The following SUV39H2 variants were observed in gnomAD, a reference collection of about 807,000 sequenced individuals.
SUV39H2 encodes SUV39H2 histone lysine methyltransferase.
In SUV39H2, 10 loss-of-function variants were observed where a neutral mutation model predicts 47.5. The observed-to-expected ratio is 0.21, with a 90% CI of 0.13 to 0.36. The LOEUF (loss-of-function observed/expected upper bound fraction) is 0.36, where lower values mean the gene tolerates loss of function less well. Among genes scored for constraint, SUV39H2 ranks in the 10% least tolerant of loss-of-function variants. The probability of loss-of-function intolerance (pLI) is 1.00; values close to 1 mark genes in which losing one functional copy is unlikely to be tolerated. For missense variants in SUV39H2, 266 were observed against 487.4 expected, an observed-to-expected ratio of 0.55 and a Z score of 4.28; for synonymous variants, 159 against 166.8, an observed-to-expected ratio of 0.95 and a Z score of 0.36.
At position 14,897,534 on chromosome 10, in the gene SUV39H2, A is replaced by C; in HGVS notation, c.849+17A>C. 6.0e-6 allele frequency: 9 copies of C among 1,499,110 alleles called. No individual in the cohort carries two copies. The highest frequency in any genetic ancestry group is 7.1e-6 in the Non-Finnish European group (8 of 1,121,834). 92.9% of individuals were successfully genotyped at this position (1,499,110 alleles called of 1,614,324 possible). A position where few individuals can be genotyped will look rare whatever the true frequency, so the allele number is the denominator to read the frequency against. ...GTTGGAGAGGTATGTTTCATTTGCC[A>C]CGTAGTAAATGATGGACATGCAAGG... On this transcript the variant is annotated intron_variant, in intron 3 of 5. Coordinates refer to ENST00000354919, the MANE Select transcript of SUV39H2 (RefSeq NM_001193424.2).
In SUV39H2 at chr10:14,892,206, C is replaced by T. The variant is rs896266165; in HGVS notation, c.178-4640C>T. Among the ~76,000 whole-genome samples, 6 of 152,062 alleles carry T rather than the reference C, an allele frequency of 3.9e-5. No homozygotes were observed. In the East Asian group the frequency reaches 7.7e-4, roughly 20 times the overall value. ...AAAATAAGAGAAGGGCTGAAGAGTC[C>T]GTGGGTTTGGCAATTAATAGATTTG... On this transcript the variant is annotated intron_variant, in intron 2 of 5. Coordinates refer to ENST00000354919, the MANE Select transcript of SUV39H2 (RefSeq NM_001193424.2).
In SUV39H2 at chr10:14,902,592, CTTA is replaced by C; in HGVS notation, c.*85_*87del. On this transcript the variant is annotated 3_prime_UTR_variant, in exon 6 of 6. Coordinates refer to ENST00000354919, the MANE Select transcript of SUV39H2 (RefSeq NM_001193424.2). ...TTTTTAAAAATACATATTTGGGACT[CTTA>C]TTATCAAGGTTCTACCTATGTTAAT... The C allele has an allele frequency of 2.3e-6, 2 of 868,898 alleles. No homozygotes were observed. Among genetic ancestry groups the C allele is most frequent in the South Asian group, 4.4e-5 (2 of 45,070 alleles). The allele number at this position is 868,898 out of a possible 1,614,324, so 53.8% of individuals were successfully genotyped here.
At chr10:14,888,498 G>A (rs1342953402) in intron 2 of SUV39H2, among the ~76,000 whole-genome samples, 1 of 152,068 alleles carries the variant, frequency 6.6e-6, no homozygotes, top group Non-Finnish European at 1.5e-5. Context: ...GCTTGGCATG[G>A]TGGTGCGCTT....
At position 14,899,624 on chromosome 10, in the gene SUV39H2, C is replaced by G. The variant is rs752873117; in HGVS notation, c.935C>G (p.Ser312Cys). ...ITYLFDLDYE[S>C]DEFTVDAARY... is the part of the protein sequence containing the mutation. ...TATCTCTTTGATCTGGACTATGAGT[C>G]TGATGAATTCACAGTGGATGCGGCT... is the stretch of plus-strand genomic sequence containing the variant. Residue 312 changes from serine to cysteine, a missense_variant, in exon 4 of 6, where the codon TCT becomes TGT. This residue lies in a region of SUV39H2 where 112 missense variants were observed against 271.9 expected (regional missense o/e 0.41). Transcript: ENST00000354919. The G allele has an allele frequency of 3.7e-6, 6 of 1,614,106 alleles. No homozygotes were observed. The highest frequency in any genetic ancestry group is 5.1e-6 in the Non-Finnish European group (6 of 1,180,000).
chr10:14,892,370 T>G (rs1235860400), intron 2 of SUV39H2, among the ~76,000 whole-genome samples: 4 of 152,074 alleles, frequency 2.6e-5, no homozygotes, highest in African/African-American at 7.3e-5. Context: ...GTGTTATGGT[T>G]GTTTAAAATT....
chr10:14,901,356 A>C, intron 5 of SUV39H2, 94 bp downstream of exon 5: 1 of 1,509,328 alleles, frequency 6.6e-7, no homozygotes, highest in Non-Finnish European at 9.0e-7. Flanking sequence ...AACCAAACCT[A>C]ATACTAAAGA....
chr10:14,889,466 C>T (rs900954069), intron 2 of SUV39H2, among the ~76,000 whole-genome samples: 5 of 152,078 alleles, frequency 3.3e-5, no homozygotes, highest in African/African-American at 1.2e-4. Context: ...AAAAATGGAG[C>T]CTGTTTAAAT....
At position 14,894,355 on chromosome 10, in the gene SUV39H2, GTTTTTTTTTTTTTTT is replaced by G. The variant is rs35812740; in HGVS notation, c.178-2475_178-2461del. On this transcript the variant is annotated intron_variant, in intron 2 of 5. Coordinates refer to ENST00000354919, the MANE Select transcript of SUV39H2 (RefSeq NM_001193424.2). ...TGACCAATTTTCAAAAGAAAGCAAA[GTTTTTTTTTTTTTTT>G]TTTTTTTTTTTTTTTGAGACGGAGT... is the stretch of plus-strand genomic sequence containing the variant. 1.0e-4 allele frequency among the ~76,000 whole-genome samples: 6 copies of G among 58,088 alleles called. 2 individuals carry two copies. Among genetic ancestry groups the G allele is most frequent in the East Asian group, 5.9e-4 (1 of 1,696 alleles). The allele number at this position is 58,088 out of a possible 152,430, so 38.1% of individuals were successfully genotyped here. A position where few individuals can be genotyped will look rare whatever the true frequency, so the allele number is the denominator to read the frequency against.
intron 2 of SUV39H2, among the ~76,000 whole-genome samples, chr10:14,887,796 G>T (rs185222094): frequency 2.0e-5 from 3 of 152,232 alleles, no homozygotes. Context: ...AGTACTTATT[G>T]TAGTTGACGT....
At position 14,896,906 on chromosome 10, in the gene SUV39H2, C is replaced by T. The variant is rs1176464905; in HGVS notation, c.238C>T (p.Pro80Ser). The T allele has an allele frequency of 6.2e-7, 1 of 1,612,300 alleles. No homozygotes were observed. Among genetic ancestry groups the T allele is most frequent in the Non-Finnish European group, 8.5e-7 (1 of 1,178,802 alleles). Residue 80 changes from proline to serine, a missense_variant, in exon 3 of 6, where the codon CCT (proline) becomes TCT (serine). Coordinates refer to ENST00000354919, the MANE Select transcript of SUV39H2 (RefSeq NM_001193424.2). The stretch of plus-strand genomic sequence containing the variant: ...GCCAGATTCTACAAATACTTGGGAA[C>T]CTTTGCAAAATCTGAAGTGCCCGTT... Reference protein sequence around the residue: ...GWPDSTNTWEPLQNLKCPLLL... With the variant: ...GWPDSTNTWESLQNLKCPLLL...
intron 2 of SUV39H2, among the ~76,000 whole-genome samples, chr10:14,890,453 C>G (rs973579953): frequency 6.6e-6 from 1 of 152,188 alleles, no homozygotes; most frequent in Non-Finnish European, 1.5e-5. Context: ...AGTGCAGTAG[C>G]CTGATCTTGG....
chr10:14,883,951 T>C (rs1833126608), intron 2 of SUV39H2, among the ~76,000 whole-genome samples: 1 of 152,200 alleles, frequency 6.6e-6, no homozygotes, highest in East Asian at 1.9e-4. Context: ...TCCTTTGTGA[T>C]TGGCCCCTTT....
intron 3 of SUV39H2, 78 bp from the exon 4 acceptor site, chr10:14,899,461 C>T (rs1367989883): frequency 8.3e-6 from 12 of 1,453,300 alleles, no homozygotes; most frequent in South Asian, 2.5e-5. Flanking sequence ...TGTAGGTATT[C>T]GCATATTAGT....
chr10:14,898,513 G>C (rs948697206), intron 3 of SUV39H2: 3 of 152,020 alleles, frequency 2.0e-5, no homozygotes, highest in African/African-American at 7.2e-5. Flanking sequence ...TTAGATGGCT[G>C]TTTTGATTCT....
At chr10:14,895,536 CAT>C (rs1187177690) in intron 2 of SUV39H2, among the ~76,000 whole-genome samples, 6 of 152,146 alleles carry the variant, frequency 3.9e-5, no homozygotes, top group African/African-American at 1.4e-4. Flanking sequence ...GGGAGGAAAA[CAT>C]AGTCATTGGA....
intron 1 of SUV39H2, among the ~76,000 whole-genome samples, chr10:14,881,196 C>A (rs1401538137): frequency 1.3e-5 from 2 of 152,120 alleles, no homozygotes; most frequent in African/African-American, 4.8e-5. Flanking sequence ...TGACCTGCAT[C>A]TGTATATAAT....
In SUV39H2 at chr10:14,878,900, C is replaced by G. The variant is rs534725080; in HGVS notation, c.12C>G (p.Val4=). Residue 4 remains valine, a synonymous_variant, in exon 1 of 6, where the codon GTC becomes GTG. Coordinates refer to ENST00000354919, the MANE Select transcript of SUV39H2 (RefSeq NM_001193424.2). MAA[V]GAEARGAWCV... ...GAAAGCTCTACAAGATGGCGGCGGTCGGGGCCGAGGCGCGAGGAGGTGAGG... is the reference window on the plus strand; with the variant it reads ...GAAAGCTCTACAAGATGGCGGCGGTGGGGGCCGAGGCGCGAGGAGGTGAGG... The G allele has an allele frequency of 5.9e-5, 88 of 1,484,324 alleles. No homozygotes were observed. The highest frequency in any genetic ancestry group is 3.6e-4 in the Admixed American group (15 of 42,070). 91.9% of individuals were successfully genotyped at this position (1,484,324 alleles called of 1,614,324 possible).
rs376480219 is a variant in SUV39H2, at chr10:14,897,230, A to C, written c.562A>C (p.Thr188Pro). ...TGGAATCAGCTTAGTCAATGAAGCT[A>C]CCTTTGGTTGTTCATGCACAGATTG... Reference protein sequence around the residue: ...APGISLVNEATFGCSCTDCFF... With the variant: ...APGISLVNEAPFGCSCTDCFF... The change falls in exon 3 of 6, where the codon ACC (threonine) becomes CCC (proline). Residue 188 changes from threonine (T) to proline (P), a missense_variant. Around this residue, in one of 4 missense-constraint regions of SUV39H2, gnomAD observed 91 missense variants for 110.9 expected, o/e 0.82. Coordinates refer to ENST00000354919, the MANE Select transcript of SUV39H2 (RefSeq NM_001193424.2). 4 of 1,613,908 alleles carry C rather than the reference A, an allele frequency of 2.5e-6. No individual in the cohort carries two copies. Among genetic ancestry groups the C allele is most frequent in the Non-Finnish European group, 3.4e-6 (4 of 1,180,040 alleles).
chr10:14,902,457 G>A lies in SUV39H2; in HGVS notation c.1178G>A (p.Arg393Lys), dbSNP rs1012841891. The change falls in exon 6 of 6, where the codon AGG becomes AAG. Residue 393 changes from arginine (R) to lysine (K), a missense_variant. By Grantham distance (26) the Arg-to-Lys change is conservative. This residue lies in a region of SUV39H2 where 112 missense variants were observed against 271.9 expected (regional missense o/e 0.41). Transcript: ENST00000354919. The part of the protein sequence containing the change: ...DSIDHSPAKK[R>K]VRTVCKCGAV... Reference sequence around the variant, plus strand: ...ATTGACCACAGCCCAGCCAAAAAGAGGGTCAGAACAGTATGTAAATGTGGA... The same window carrying A: ...ATTGACCACAGCCCAGCCAAAAAGAAGGTCAGAACAGTATGTAAATGTGGA... 1.9e-6 allele frequency: 3 copies of A among 1,609,638 alleles called. No homozygotes were observed. The highest frequency in any genetic ancestry group is 2.5e-6 in the Non-Finnish European group (3 of 1,178,680).
Sources: gnomAD v4.1 joint callset for allele counts (sites outside exome capture counted in the v4.1 genomes callset) on GRCh38, gnomAD v4.1.1 for gene constraint, gnomAD v4.1.1 regional missense constraint, MANE v1.5 for transcripts, NCBI Gene and HGNC (gene_info 2026-07-23, HGNC 2026-07-21) for gene names.